The following EDA2R variants were observed in gnomAD, a reference collection of about 807,000 sequenced individuals.
EDA2R encodes the protein tumor necrosis factor receptor superfamily member 27.
A neutral mutation model predicts 20.1 loss-of-function variants in EDA2R; 26 were observed. The observed-to-expected ratio is 1.30, with a 90% confidence interval of 0.95 to 1.80. EDA2R has a LOEUF of 1.80. EDA2R is among the 40% of genes most tolerant of loss of function. The probability of loss-of-function intolerance (pLI) is 0.00; values close to 1 mark genes in which losing one functional copy is unlikely to be tolerated. For synonymous variants in EDA2R, 114 were observed against 88.7 expected (o/e 1.29, Z -1.60); for missense variants, 277 against 228.7 (o/e 1.21, Z -1.36).
chrX:66,635,264 G>C (rs1374497476), intron 1 of EDA2R, among the ~76,000 whole-genome samples: 1 of 111,897 alleles, frequency 8.9e-6, no homozygotes, highest in Non-Finnish European at 1.9e-5. Context: ...AATATATACA[G>C]TAAACTCTAA....
At chrX:66,633,011 C>T (rs184201850) in intron 1 of EDA2R, among the ~76,000 whole-genome samples, 10 of 111,353 alleles carry the variant, frequency 9.0e-5, no homozygotes, top group East Asian at 5.6e-4. Context: ...TTTATTCTAG[C>T]GCACAGAGCA....
Position 66,597,548 on chromosome X carries a change from C to T in EDA2R, c.*556G>A. 1 of 113,818 alleles carries T rather than the reference C, an allele frequency of 8.8e-6. No individual in the cohort carries two copies. The highest frequency in any genetic ancestry group is 1.9e-5 in the Non-Finnish European group (1 of 53,553). 9.4% of individuals were successfully genotyped at this position (113,818 alleles called of 1,213,427 possible). On this transcript the variant is annotated 3_prime_UTR_variant, in exon 7 of 7. Coordinates refer to ENST00000374719, the MANE Select transcript of EDA2R (RefSeq NM_021783.5). ...GTTTGCCCTGCCTCATGCTGCAATGCAGCAGTCTGAGACATGAACTTGGGA... is the reference window on the plus strand; with the variant it reads ...GTTTGCCCTGCCTCATGCTGCAATGTAGCAGTCTGAGACATGAACTTGGGA...
At position 66,611,040 on chromosome X, in the gene EDA2R, C is replaced by T. The variant is rs763209931; in HGVS notation, c.87+4894G>A. Among the ~76,000 whole-genome samples the T allele has an allele frequency of 6.3e-5, 7 of 111,654 alleles. No individual in the cohort carries two copies. In the East Asian group the frequency reaches 1.4e-3, roughly 22 times the overall value. On this transcript the variant is annotated intron_variant, in intron 2 of 6. Transcript: ENST00000374719. The stretch of plus-strand genomic sequence containing the variant: ...GTTCTTTGACTCTACAACTCAGACA[C>T]TTCTTTATGCCGACCTAAATGGACC...
intron 5 of EDA2R, 110 bp from the exon 6 acceptor site, chrX:66,599,970 C>T: frequency 1.8e-6 from 2 of 1,129,135 alleles, no homozygotes; most frequent in East Asian, 3.2e-5. Flanking sequence ...CTGATTCTTT[C>T]CTTCCTCTCC....
chrX:66,596,762 C>A lies in EDA2R; in HGVS notation c.*1342G>T, dbSNP rs776042113. 1.4e-3 allele frequency: 148 copies of A among 105,432 alleles called. 1 individual carries two copies. The highest frequency in any genetic ancestry group is 1.9e-3 in the Non-Finnish European group (98 of 50,886). 8.7% of individuals were successfully genotyped at this position (105,432 alleles called of 1,213,427 possible). On this transcript the variant is annotated 3_prime_UTR_variant, in exon 7 of 7. Coordinates refer to ENST00000374719, the MANE Select transcript of EDA2R (RefSeq NM_021783.5). ...AGAAAAACAAAAACAAAAACAAAAA[C>A]AAAAAAAAAACAGGAAACCTAAAGG...
chrX:66,609,846 G>GA (rs923949336), intron 2 of EDA2R, among the ~76,000 whole-genome samples: 3 of 111,667 alleles, frequency 2.7e-5, no homozygotes, highest in South Asian at 3.7e-4. Context: ...ATGACAATGT[G>GA]AAAAATGATA....
At chrX:66,612,068 T>C (rs1047952112) in intron 2 of EDA2R, among the ~76,000 whole-genome samples, 1 of 111,930 alleles carries the variant, frequency 8.9e-6, no homozygotes, top group African/African-American at 3.2e-5. Flanking sequence ...ACTGCAAATT[T>C]ATATCCAGTG....
intron 1 of EDA2R, among the ~76,000 whole-genome samples, chrX:66,631,553 T>C (rs1029294434): frequency 9.0e-6 from 1 of 111,632 alleles, no homozygotes. Flanking sequence ...AAATTTTTTC[T>C]TCAGTGATAT....
At chrX:66,631,808 G>C (rs922635568) in intron 1 of EDA2R, among the ~76,000 whole-genome samples, 1 of 111,773 alleles carries the variant, frequency 8.9e-6, no homozygotes, top group Admixed American at 9.5e-5. Flanking sequence ...GCCATGAGAA[G>C]CGTGAAAGGA....
intron 1 of EDA2R, among the ~76,000 whole-genome samples, chrX:66,630,162 T>C (rs889753430): frequency 1.8e-5 from 2 of 111,619 alleles, no homozygotes; most frequent in Non-Finnish European, 3.8e-5. Context: ...AACTGGAATG[T>C]CATCTCTCAC....
rs1934610184 is a variant in EDA2R, at chrX:66,639,078, C to G, written c.-94G>C. The stretch of plus-strand genomic sequence containing the variant: ...CTCAGCGCAGAGCACACATCTCACC[C>G]AGCCCCCTCCCGTCACCCCCCGCCC... On this transcript the variant is annotated 5_prime_UTR_variant, in exon 1 of 7. Coordinates refer to ENST00000374719, the MANE Select transcript of EDA2R (RefSeq NM_021783.5). The G allele has an allele frequency of 9.7e-6, 1 of 103,072 alleles. No individual in the cohort carries two copies. The highest frequency in any genetic ancestry group is 1.1e-4 in the Admixed American group (1 of 9,492). The allele number at this position is 103,072 out of a possible 1,213,427, so 8.5% of individuals were successfully genotyped here. A position where few individuals can be genotyped will look rare whatever the true frequency, so the allele number is the denominator to read the frequency against.
At position 66,602,744 on chromosome X, in the gene EDA2R, C is replaced by A; in HGVS notation, c.406G>T (p.Glu136Ter). The A allele has an allele frequency of 7.5e-6, 9 of 1,197,548 alleles. No homozygotes were observed. The highest frequency in any genetic ancestry group is 1.0e-5 in the Non-Finnish European group (9 of 888,172). Reference sequence around the variant, plus strand: ...CTCACCAGTGCAACAAGTGTGGCCTCCTGAGGGGGCACTGTGGGTGTATCT... The same window carrying A: ...CTCACCAGTGCAACAAGTGTGGCCTACTGAGGGGGCACTGTGGGTGTATCT... Reference protein sequence around the residue: ...EADTPTVPPQEATLVALVSSL... With the variant: ...EADTPTVPPQ Residue 136 changes from glutamate to a stop codon, truncating the protein, a stop_gained, in exon 5 of 7, where the codon GAG (glutamate) becomes TAG (stop). Transcript: ENST00000374719. LOFTEE classifies it high-confidence loss of function.
intron 1 of EDA2R, among the ~76,000 whole-genome samples, chrX:66,635,137 A>G (rs1360405768): frequency 8.9e-6 from 1 of 112,142 alleles, no homozygotes; most frequent in Non-Finnish European, 1.9e-5. Context: ...CAACCACTTG[A>G]TGAGTACTTT....
chrX:66,600,090 A>G (rs1424315940), intron 5 of EDA2R: 1 of 1,153,228 alleles, frequency 8.7e-7, no homozygotes, highest in Admixed American at 2.7e-5. Flanking sequence ...AAAATAATCA[A>G]TTTCTCTAGA....
At chrX:66,625,438 C>T (rs1182244781) in intron 1 of EDA2R, among the ~76,000 whole-genome samples, 1 of 110,714 alleles carries the variant, frequency 9.0e-6, no homozygotes, top group Non-Finnish European at 1.9e-5. Flanking sequence ...CAGAAGCAGC[C>T]ATAATCCTCC....
At chrX:66,611,713 A>T (rs189029816) in intron 2 of EDA2R, among the ~76,000 whole-genome samples, 1 of 111,090 alleles carries the variant, frequency 9.0e-6, no homozygotes, top group African/African-American at 3.3e-5. Flanking sequence ...AATATAGAAA[A>T]ATCATATTGT....
chrX:66,606,048 G>A (rs750183292), intron 2 of EDA2R, among the ~76,000 whole-genome samples: 1 of 111,434 alleles, frequency 9.0e-6, no homozygotes, highest in Non-Finnish European at 1.9e-5. Context: ...CAGTTTCTGG[G>A]CATCAGAAGT....
At chrX:66,598,990 A>T (rs1286716630) in intron 6 of EDA2R, among the ~76,000 whole-genome samples, 1 of 111,922 alleles carries the variant, frequency 8.9e-6, no homozygotes, top group Non-Finnish European at 1.9e-5. Flanking sequence ...ACTTTGAGAA[A>T]CTAACTTTCC....
chrX:66,631,288 A>C lies in EDA2R; in HGVS notation c.-11+7707T>G, dbSNP rs146926718. ...ACTGCTCAGGTGATGGATGCACCAA[A>C]ATCTCACAAAACACCACTAAATAAC... On this transcript the variant is annotated intron_variant, in intron 1 of 6. Transcript: ENST00000374719. Among the ~76,000 whole-genome samples the C allele has an allele frequency of 8.8e-3, 980 of 111,046 alleles. 16 individuals are homozygous for C. Among genetic ancestry groups the C allele is most frequent in the African/African-American group, 0.031 (949 of 30,539 alleles).
Sources: allele counts gnomAD v4.1 joint callset (sites outside exome capture counted in the v4.1 genomes callset), GRCh38; gene constraint gnomAD v4.1.1; transcripts MANE v1.5; gene names NCBI Gene and HGNC (gene_info 2026-07-23, HGNC 2026-07-21).